Variants in SYCP1 observed in about 807,000 individuals in gnomAD.
SYCP1 encodes the protein synaptonemal complex protein 1.
SYCP1 carries 64 observed loss-of-function variants against 153.1 expected under a neutral mutation model. The observed-to-expected ratio is 0.42, with a 90% CI of 0.34 to 0.51. The LOEUF is 0.51. SYCP1 is among the 20% of genes least tolerant of loss of function. The pLI, the probability that SYCP1 is intolerant of heterozygous loss-of-function variation, is 0.06. For missense variants in SYCP1, 997 were observed against 1,049.0 expected, an observed-to-expected ratio of 0.95 and a Z score of 0.68; for synonymous variants, 384 against 341.8, an observed-to-expected ratio of 1.12 and a Z score of -1.36.
intron 28 of SYCP1, among the ~76,000 whole-genome samples, chr1:114,979,007 G>T (rs1055412438): frequency 2.0e-5 from 3 of 151,348 alleles, no homozygotes; most frequent in Non-Finnish European, 4.4e-5. Flanking sequence ...AATTCTATAT[G>T]TTTCCATTAT....
rs1671012090 is a variant in SYCP1 at position 114,950,302 on chromosome 1, T to C, written c.2322+2982T>C. Among the ~76,000 whole-genome samples, 3 of 152,322 alleles carry C rather than the reference T, an allele frequency of 2.0e-5. No homozygotes were observed. In the South Asian group the frequency reaches 6.2e-4, roughly 32 times the overall value. On this transcript the variant is annotated intron_variant, in intron 27 of 31. Transcript: ENST00000369522. ...TAGAAACCAGTCTATAATTGACATG[T>C]AATGTGGTTGAGAAATAAACTTCTC...
At chr1:114,975,968 T>G (rs933107888) in intron 27 of SYCP1, among the ~76,000 whole-genome samples, 25 of 151,764 alleles carry the variant, frequency 1.6e-4, no homozygotes, top group African/African-American at 5.8e-4. Flanking sequence ...ACAAGATAGG[T>G]TTATGGTTCC....
chr1:114,950,525 T>G (rs575148066), intron 27 of SYCP1, among the ~76,000 whole-genome samples: 1 of 152,274 alleles, frequency 6.6e-6, no homozygotes, highest in African/African-American at 2.4e-5. Context: ...TTTACTGTTT[T>G]TCCATCTGCT....
intron 15 of SYCP1, among the ~76,000 whole-genome samples, chr1:114,895,146 A>C (rs1457513676): frequency 6.6e-6 from 1 of 152,108 alleles, no homozygotes; most frequent in Non-Finnish European, 1.5e-5. Context: ...GATGAGTTGA[A>C]GGTAAATGTA....
chr1:114,950,916 C>T (rs905966553), intron 27 of SYCP1, among the ~76,000 whole-genome samples: 2 of 151,826 alleles, frequency 1.3e-5, no homozygotes, highest in African/African-American at 4.8e-5. Flanking sequence ...GCTCCACCTC[C>T]CGGGTTCACG....
intron 20 of SYCP1, among the ~76,000 whole-genome samples, chr1:114,918,395 A>G (rs186132273): frequency 6.6e-6 from 1 of 152,072 alleles, no homozygotes; most frequent in East Asian, 1.9e-4. Flanking sequence ...TACTATAGCT[A>G]GGTAGTACAT....
Position 114,923,453 on chromosome 1 carries a change from G to A in SYCP1, c.1723G>A (p.Glu575Lys). Residue 575 changes from glutamate (E) to lysine (K), a missense_variant, in exon 21 of 32, where the codon GAA becomes AAA. Glu to Lys is a moderately conservative substitution (Grantham distance 56). Around this residue, in one of 2 missense-constraint regions of SYCP1, gnomAD observed 712 missense variants for 682.9 expected, o/e 1.04. Coordinates refer to ENST00000369522, the MANE Select transcript of SYCP1 (RefSeq NM_003176.4). The stretch of plus-strand genomic sequence containing the variant: ...CACTCTTCCATTTTCTTTTAGAAAT[G>A]AACTAGAATATGTGAGAGAAGAGCT... ...LQETETQLRN[E>K]LEYVREELKQ... 6.3e-7 allele frequency: 1 copy of A among 1,579,514 alleles called. No individual in the cohort carries two copies. Among genetic ancestry groups the A allele is most frequent in the Non-Finnish European group, 8.6e-7 (1 of 1,159,468 alleles).
intron 8 of SYCP1, 52 bp downstream of exon 8, chr1:114,860,861 A>G (rs1664323457): frequency 1.4e-5 from 18 of 1,328,470 alleles, no homozygotes; most frequent in Non-Finnish European, 1.8e-5. Flanking sequence ...TTACTGGTAG[A>G]GGTGGAGAGG....
chr1:114,991,649 TCTC>T (rs1472066962), intron 30 of SYCP1, among the ~76,000 whole-genome samples: 2 of 151,452 alleles, frequency 1.3e-5, no homozygotes. Context: ...TAGAGGGAAA[TCTC>T]CTCAACATGA....
intron 27 of SYCP1, among the ~76,000 whole-genome samples, chr1:114,971,955 C>G (rs1019558585): frequency 1.3e-5 from 2 of 152,080 alleles, no homozygotes. Flanking sequence ...AAGTAACCCC[C>G]TCTCCTCTAT....
At chr1:114,870,351 A>T (rs1245495049) in intron 8 of SYCP1, among the ~76,000 whole-genome samples, 1 of 151,986 alleles carries the variant, frequency 6.6e-6, no homozygotes, top group Non-Finnish European at 1.5e-5. Context: ...ATATCTGACA[A>T]CTTTCCTTGC....
chr1:114,901,101 A>G (rs1009983833), intron 16 of SYCP1, among the ~76,000 whole-genome samples: 4 of 152,218 alleles, frequency 2.6e-5, no homozygotes, highest in African/African-American at 4.8e-5. Flanking sequence ...CTACATAGGC[A>G]GAAGAAACCC....
At chr1:114,953,520 T>C (rs1237005601) in intron 27 of SYCP1, among the ~76,000 whole-genome samples, 1 of 152,236 alleles carries the variant, frequency 6.6e-6, no homozygotes, top group Admixed American at 6.5e-5. Flanking sequence ...TTTTTGCCTA[T>C]GGATCTCAGA....
intron 6 of SYCP1, among the ~76,000 whole-genome samples, chr1:114,858,983 A>C (rs1664196084): frequency 6.6e-6 from 1 of 152,238 alleles, no homozygotes; most frequent in Non-Finnish European, 1.5e-5. Context: ...AATTTATTAT[A>C]AAGAGTTTCA....
intron 8 of SYCP1, among the ~76,000 whole-genome samples, chr1:114,870,490 T>C (rs1665043690): frequency 6.6e-6 from 1 of 152,250 alleles, no homozygotes; most frequent in Non-Finnish European, 1.5e-5. Context: ...TTGCTTGTTT[T>C]CTTAATGTTG....
intron 27 of SYCP1, among the ~76,000 whole-genome samples, chr1:114,974,087 G>GT (rs1672660066): frequency 6.6e-6 from 1 of 151,502 alleles, no homozygotes; most frequent in Non-Finnish European, 1.5e-5. Context: ...TGTCTCCTGT[G>GT]TTTTTGTCTA....
intron 27 of SYCP1, among the ~76,000 whole-genome samples, chr1:114,953,637 T>C (rs1479744053): frequency 6.6e-6 from 1 of 152,220 alleles, no homozygotes; most frequent in Non-Finnish European, 1.5e-5. Context: ...ATTTCTATGG[T>C]CTTTATTCTG....
At chr1:114,937,141 A>ACTAT in intron 23 of SYCP1, among the ~76,000 whole-genome samples, 1 of 152,196 alleles carries the variant, frequency 6.6e-6, no homozygotes, top group East Asian at 1.9e-4. Context: ...CTGACTTCAA[A>ACTAT]CTATACTACA....
chr1:114,931,978 C>T (rs1228762321), intron 23 of SYCP1, among the ~76,000 whole-genome samples: 2 of 151,858 alleles, frequency 1.3e-5, no homozygotes, highest in African/African-American at 4.8e-5. Context: ...AGTCTTTCAA[C>T]AAATGATTTG....
Sources: allele counts gnomAD v4.1 joint callset (sites outside exome capture counted in the v4.1 genomes callset), GRCh38; gene constraint gnomAD v4.1.1; regional missense constraint gnomAD v4.1.1; transcripts MANE v1.5; gene names NCBI Gene and HGNC (gene_info 2026-07-23, HGNC 2026-07-21).